Variants in PLCB1 observed in about 807,000 individuals in gnomAD.
PLCB1 encodes the protein phospholipase C beta 1, also known as 1-phosphatidylinositol 4,5-bisphosphate phosphodiesterase beta-1.
PLCB1 carries 46 observed loss-of-function variants against 161.8 expected under a neutral mutation model. The observed-to-expected ratio is 0.28, with a 90% CI of 0.22 to 0.36. PLCB1 has a LOEUF of 0.36. Ranked by LOEUF, PLCB1 falls within the 10% of genes least tolerant of loss-of-function variation. The pLI, the probability that PLCB1 is intolerant of heterozygous loss-of-function variation, is 1.00. For missense variants in PLCB1, 1,016 were observed against 1,472.5 expected, an observed-to-expected ratio of 0.69 and a Z score of 5.07; for synonymous variants, 517 against 503.7, an observed-to-expected ratio of 1.03 and a Z score of -0.35.
chr20:8,215,546 C>T (rs1288993491), intron 2 of PLCB1, among the ~76,000 whole-genome samples: 2 of 152,012 alleles, frequency 1.3e-5, no homozygotes, highest in Non-Finnish European at 2.9e-5. Context: ...AGCCCCCGTC[C>T]CTCTTGGAGC....
intron 31 of PLCB1, among the ~76,000 whole-genome samples, chr20:8,876,152 C>G (rs574670948): frequency 6.6e-6 from 1 of 152,184 alleles, no homozygotes; most frequent in African/African-American, 2.4e-5. Flanking sequence ...AGAATTTGAG[C>G]CTGACTAGTC....
intron 3 of PLCB1, among the ~76,000 whole-genome samples, chr20:8,431,630 G>A (rs187635687): frequency 6.6e-6 from 1 of 152,284 alleles, no homozygotes; most frequent in African/African-American, 2.4e-5. Context: ...TTTGGTATGT[G>A]CAATATTGGG....
chr20:8,265,020 A>C (rs1981885336), intron 2 of PLCB1, among the ~76,000 whole-genome samples: 2 of 152,140 alleles, frequency 1.3e-5, no homozygotes, highest in Admixed American at 1.3e-4. Flanking sequence ...CTTACCTCAA[A>C]AGGAAATTAC....
Position 8,200,312 on chromosome 20 carries a change from T to G in PLCB1, c.177+49941T>G, listed in dbSNP as rs114574169. Among the ~76,000 whole-genome samples, 1,245 of 152,186 alleles carry G rather than the reference T, an allele frequency of 8.2e-3. 23 individuals carry two copies. Among genetic ancestry groups the G allele is most frequent in the African/African-American group, 0.028 (1,155 of 41,558 alleles). ...AGGCCTTAATATTTTCTTCCAAAAA[T>G]CTTGAATTTTCATTTTTAACATTCA... is the stretch of plus-strand genomic sequence containing the variant. On this transcript the variant is annotated intron_variant, in intron 2 of 31. Coordinates refer to ENST00000338037, the MANE Select transcript of PLCB1 (RefSeq NM_015192.4).
At chr20:8,319,267 A>T (rs1657609155) in intron 2 of PLCB1, among the ~76,000 whole-genome samples, 1 of 152,090 alleles carries the variant, frequency 6.6e-6, no homozygotes, top group Non-Finnish European at 1.5e-5. Flanking sequence ...TATTTAGCTC[A>T]TGTATCTGTA....
At chr20:8,761,332 C>G (rs188553047) in intron 25 of PLCB1, among the ~76,000 whole-genome samples, 38 of 152,322 alleles carry the variant, frequency 2.5e-4, no homozygotes, top group Admixed American at 2.2e-3. Context: ...TTCTGGGATG[C>G]TGGCCAAATT....
chr20:8,170,038 G>C (rs2051717602), intron 2 of PLCB1, among the ~76,000 whole-genome samples: 1 of 152,088 alleles, frequency 6.6e-6, no homozygotes, highest in Non-Finnish European at 1.5e-5. Context: ...ATTCAGTTAA[G>C]GGTACACTGA....
chr20:8,301,151 T>C (rs1244720564), intron 2 of PLCB1, among the ~76,000 whole-genome samples: 2 of 152,156 alleles, frequency 1.3e-5, no homozygotes, highest in East Asian at 3.9e-4. Context: ...ACTGTATCCC[T>C]GAAAATTCAG....
chr20:8,639,849 T>C (rs1988883060), intron 4 of PLCB1, among the ~76,000 whole-genome samples: 1 of 151,084 alleles, frequency 6.6e-6, no homozygotes, highest in South Asian at 2.1e-4. Flanking sequence ...GAAGAGCCAT[T>C]AAATAAACTG....
At chr20:8,628,993 A>C (rs1022821942) in intron 4 of PLCB1, among the ~76,000 whole-genome samples, 4 of 152,172 alleles carry the variant, frequency 2.6e-5, no homozygotes, top group African/African-American at 9.7e-5. Context: ...TTTGCATAAC[A>C]AAATACAAAT....
chr20:8,836,257 G>A (rs1986279549), intron 31 of PLCB1, among the ~76,000 whole-genome samples: 2 of 152,222 alleles, frequency 1.3e-5, no homozygotes, highest in African/African-American at 4.8e-5. Context: ...TAGACTTTAA[G>A]TGTTAATAGG....
chr20:8,283,764 G>C (rs1982987795), intron 2 of PLCB1, among the ~76,000 whole-genome samples: 1 of 151,822 alleles, frequency 6.6e-6, no homozygotes. Context: ...ATTTTAAGAT[G>C]ATTACTCATT....
chr20:8,354,990 A>G (rs1055985904), intron 2 of PLCB1, among the ~76,000 whole-genome samples: 1 of 152,188 alleles, frequency 6.6e-6, no homozygotes, highest in African/African-American at 2.4e-5. Context: ...AAGTCAGAGA[A>G]GTGGTTTAAA....
intron 3 of PLCB1, among the ~76,000 whole-genome samples, chr20:8,615,549 G>A (rs756495475): frequency 1.3e-5 from 2 of 152,116 alleles, no homozygotes; most frequent in African/African-American, 2.4e-5. Context: ...TCCAAAATGT[G>A]TCACCTCTCT....
Position 8,706,649 on chromosome 20 carries a change from T to C in PLCB1, c.1168-2021T>C, listed in dbSNP as rs117012454. On this transcript the variant is annotated intron_variant, in intron 11 of 31. Transcript: ENST00000338037. ...CTATTCTCAGTTCTTTTGAGGGCTT[T>C]GCTCTTAGCTGGCTAAGATTATTAG... Among the ~76,000 whole-genome samples the C allele has an allele frequency of 5.3e-5, 8 of 152,336 alleles. No homozygotes were observed. In the East Asian group the frequency reaches 1.5e-3, roughly 29 times the overall value.
chr20:8,760,554 AAAC>A (rs1981969669), intron 25 of PLCB1, 94 bp downstream of exon 25: 3 of 762,740 alleles, frequency 3.9e-6, no homozygotes, highest in South Asian at 1.8e-5. Flanking sequence ...CATATCTGAA[AAAC>A]AACATCATTA....
chr20:8,446,968 G>T (rs1446157790), intron 3 of PLCB1, among the ~76,000 whole-genome samples: 1 of 152,050 alleles, frequency 6.6e-6, no homozygotes, highest in Non-Finnish European at 1.5e-5. Context: ...GTTCAAAGAG[G>T]ACTCGGTGAT....
At chr20:8,388,686 A>G (rs1421110890) in intron 3 of PLCB1, among the ~76,000 whole-genome samples, 1 of 152,096 alleles carries the variant, frequency 6.6e-6, no homozygotes. Flanking sequence ...TTGTTACTAT[A>G]AATGTGTTTT....
intron 2 of PLCB1, among the ~76,000 whole-genome samples, chr20:8,238,423 T>A (rs1019502820): frequency 6.6e-6 from 1 of 151,994 alleles, no homozygotes; most frequent in African/African-American, 2.4e-5. Flanking sequence ...CAGGGGATGC[T>A]CTTCTCATTC....
Sources: allele counts gnomAD v4.1 joint callset (sites outside exome capture counted in the v4.1 genomes callset), GRCh38; gene constraint gnomAD v4.1.1; transcripts MANE v1.5; gene names NCBI Gene and HGNC (gene_info 2026-07-23, HGNC 2026-07-21).